Variants in IMMP2L observed in about 807,000 individuals in gnomAD.
IMMP2L encodes the protein inner mitochondrial membrane peptidase subunit 2, also known as mitochondrial inner membrane protease subunit 2.
IMMP2L carries 18 observed loss-of-function variants against 19.3 expected under a neutral mutation model. The observed-to-expected ratio is 0.93, with a 90% CI of 0.64 to 1.38. The LOEUF is 1.38. Among genes scored for constraint, IMMP2L ranks in the 40% most tolerant of loss-of-function variants. The probability of loss-of-function intolerance (pLI) is 0.00; values close to 1 mark genes in which losing one functional copy is unlikely to be tolerated. For missense variants in IMMP2L, 233 were observed against 218.2 expected (o/e 1.07, Z -0.43); for synonymous variants, 76 against 73.0 (o/e 1.04, Z -0.21).
At chr7:111,348,047 C>A (rs1827747814) in intron 3 of IMMP2L, among the ~76,000 whole-genome samples, 1 of 148,358 alleles carries the variant, frequency 6.7e-6, no homozygotes, top group Non-Finnish European at 1.5e-5. Context: ...GACAGAAAAC[C>A]AAATACTGCA....
chr7:111,016,331 TTA>T (rs535894859), intron 3 of IMMP2L, among the ~76,000 whole-genome samples: 3 of 145,004 alleles, frequency 2.1e-5, no homozygotes, highest in Non-Finnish European at 3.0e-5. Context: ...AGTCCAGTAA[TTA>T]TATATATAAT....
At chr7:111,208,064 C>T (rs1169853581) in intron 3 of IMMP2L, among the ~76,000 whole-genome samples, 1 of 152,096 alleles carries the variant, frequency 6.6e-6, no homozygotes. Flanking sequence ...CAGGATTCCA[C>T]TTTTACTGTT....
chr7:110,994,116 T>C (rs1166456338), intron 3 of IMMP2L, among the ~76,000 whole-genome samples: 1 of 151,566 alleles, frequency 6.6e-6, no homozygotes, highest in Non-Finnish European at 1.5e-5. Context: ...ATTCCTTAAG[T>C]ATTCATTACT....
intron 3 of IMMP2L, among the ~76,000 whole-genome samples, chr7:111,046,044 C>T (rs1468947152): frequency 6.6e-6 from 1 of 151,702 alleles, no homozygotes; most frequent in African/African-American, 2.4e-5. Context: ...CAAATCTTAA[C>T]ATAATCTAAA....
chr7:110,840,739 G>A (rs919278132), intron 5 of IMMP2L, among the ~76,000 whole-genome samples: 2 of 151,988 alleles, frequency 1.3e-5, no homozygotes, highest in Non-Finnish European at 2.9e-5. Context: ...AAAATTACAT[G>A]CCCTTGCTCC....
intron 3 of IMMP2L, among the ~76,000 whole-genome samples, chr7:111,203,682 C>A (rs1053146): frequency 2.6e-4 from 38 of 147,080 alleles, no homozygotes; most frequent in African/African-American, 8.8e-4. Context: ...TAAAATAATT[C>A]TTCTTTGCCT....
At position 110,848,605 on chromosome 7, in the gene IMMP2L, C is replaced by T. The variant is rs963993781; in HGVS notation, c.408+37988G>A. Among the ~76,000 whole-genome samples, 14 of 152,170 alleles carry T rather than the reference C, an allele frequency of 9.2e-5. No homozygotes were observed. In the East Asian group the frequency reaches 1.2e-3, roughly 13 times the overall value. ...TTATGTGCACACAAAAATCTGCACA[C>T]GAATATTTATAGTAGCTTTATTCAT... On this transcript the variant is annotated intron_variant, in intron 5 of 5. Coordinates refer to ENST00000405709, the MANE Select transcript of IMMP2L (RefSeq NM_032549.4).
intron 5 of IMMP2L, among the ~76,000 whole-genome samples, chr7:110,858,431 A>G (rs1807029780): frequency 6.6e-6 from 1 of 151,956 alleles, no homozygotes; most frequent in South Asian, 2.1e-4. Flanking sequence ...GGGGAGGGGG[A>G]CAGGGAGAAT....
intron 3 of IMMP2L, among the ~76,000 whole-genome samples, chr7:111,090,843 T>G (rs2129577785): frequency 6.6e-6 from 1 of 152,260 alleles, no homozygotes; most frequent in Non-Finnish European, 1.5e-5. Flanking sequence ...TGAAAACATA[T>G]TTCTCTGAAT....
chr7:111,129,897 GA>G (rs1175339449), intron 3 of IMMP2L, among the ~76,000 whole-genome samples: 2 of 152,052 alleles, frequency 1.3e-5, no homozygotes, highest in East Asian at 3.9e-4. Context: ...ATTATTAAGA[GA>G]AAAAACTTTT....
chr7:111,000,178 C>A (rs1823512661), intron 3 of IMMP2L, among the ~76,000 whole-genome samples: 1 of 152,128 alleles, frequency 6.6e-6, no homozygotes, highest in Non-Finnish European at 1.5e-5. Flanking sequence ...TTCAATTAAT[C>A]CCTGTTTACA....
At chr7:110,913,712 C>G (rs949652671) in intron 4 of IMMP2L, among the ~76,000 whole-genome samples, 1 of 152,110 alleles carries the variant, frequency 6.6e-6, no homozygotes, top group Admixed American at 6.6e-5. Flanking sequence ...ATCTGAGGGT[C>G]CTGGGAATTT....
chr7:111,557,300 C>G (rs1791479217), intron 1 of IMMP2L, among the ~76,000 whole-genome samples: 1 of 152,132 alleles, frequency 6.6e-6, no homozygotes, highest in Non-Finnish European at 1.5e-5. Flanking sequence ...TCTTCAGTGG[C>G]TCACTACTAC....
chr7:111,020,835 G>A (rs1826204253), intron 3 of IMMP2L, among the ~76,000 whole-genome samples: 1 of 152,100 alleles, frequency 6.6e-6, no homozygotes, highest in African/African-American at 2.4e-5. Flanking sequence ...TATTATTGTT[G>A]AATTGTCTGT....
At chr7:110,829,347 C>T (rs1803766376) in intron 5 of IMMP2L, among the ~76,000 whole-genome samples, 2 of 152,140 alleles carry the variant, frequency 1.3e-5, no homozygotes, top group South Asian at 2.1e-4. Context: ...AACAGCTTAA[C>T]AGCTTCAAAG....
chr7:111,521,556 C>A, intron 1 of IMMP2L, 107 bp from the exon 2 acceptor site: 2 of 905,470 alleles, frequency 2.2e-6, no homozygotes, highest in Non-Finnish European at 3.3e-6. Flanking sequence ...GCAATCTTGT[C>A]TCTTAATATA....
chr7:111,220,630 GGA>G (rs1183198176), intron 3 of IMMP2L, among the ~76,000 whole-genome samples: 2 of 146,532 alleles, frequency 1.4e-5, no homozygotes, highest in Admixed American at 1.4e-4. Flanking sequence ...GGATACAGAG[GGA>G]GAGAGAGAGA....
At chr7:110,794,010 A>G (rs1484450585) in intron 5 of IMMP2L, among the ~76,000 whole-genome samples, 2 of 152,138 alleles carry the variant, frequency 1.3e-5, no homozygotes, top group Non-Finnish European at 2.9e-5. Flanking sequence ...AAATGCTGGA[A>G]AGGATGTAAA....
chr7:111,214,777 T>C (rs1454886608), intron 3 of IMMP2L, among the ~76,000 whole-genome samples: 4 of 150,066 alleles, frequency 2.7e-5, no homozygotes, highest in East Asian at 1.9e-4. Context: ...CAGAGCTCCA[T>C]AACCATGTAA....
Sources: allele counts gnomAD v4.1 joint callset (sites outside exome capture counted in the v4.1 genomes callset), GRCh38; gene constraint gnomAD v4.1.1; transcripts MANE v1.5; gene names NCBI Gene and HGNC (gene_info 2026-07-23, HGNC 2026-07-21).